The following HPSE2 variants were observed in gnomAD, a reference collection of about 807,000 sequenced individuals.
HPSE2 encodes inactive heparanase-2.
Under a neutral mutation model 60.5 loss-of-function variants are expected in HPSE2, and 38 were observed. The ratio of observed to expected loss-of-function variants is 0.63; its 90% CI spans 0.48 to 0.82. HPSE2 has a LOEUF of 0.82. HPSE2 is among the 40% of genes least tolerant of loss of function. The pLI is 0.00. For missense variants in HPSE2, 713 were observed against 740.4 expected (o/e 0.96, Z 0.43); for synonymous variants, 295 against 293.2 (o/e 1.01, Z -0.06).
chr10:99,180,697 C>A (rs1478088595), intron 2 of HPSE2, among the ~76,000 whole-genome samples: 1 of 151,734 alleles, frequency 6.6e-6, no homozygotes, highest in Non-Finnish European at 1.5e-5. Flanking sequence ...CCAGCCTGGG[C>A]AACATGGTGA....
chr10:98,978,440 T>C (rs999012205), intron 3 of HPSE2, among the ~76,000 whole-genome samples: 2 of 152,140 alleles, frequency 1.3e-5, no homozygotes, highest in East Asian at 3.8e-4. Flanking sequence ...ATAATATTAA[T>C]TACAAGTATT....
At chr10:98,543,514 A>G (rs961347079) in intron 9 of HPSE2, among the ~76,000 whole-genome samples, 30 of 152,360 alleles carry the variant, frequency 2.0e-4, no homozygotes, top group African/African-American at 6.7e-4. Context: ...AAATGCTCCA[A>G]TTAAAAGACA....
At chr10:99,230,455 T>C (rs891892063) in intron 2 of HPSE2, among the ~76,000 whole-genome samples, 1 of 152,082 alleles carries the variant, frequency 6.6e-6, no homozygotes, top group African/African-American at 2.4e-5. Flanking sequence ...AGAAAAGGAT[T>C]CCATATGGAA....
intron 7 of HPSE2, among the ~76,000 whole-genome samples, chr10:98,627,668 G>T (rs1437162861): frequency 6.6e-6 from 1 of 152,190 alleles, no homozygotes; most frequent in East Asian, 1.9e-4. Context: ...ATCTGCCTTA[G>T]AGGATTTTAT....
At position 98,968,418 on chromosome 10, in the gene HPSE2, T is replaced by C. The variant is rs183489714; in HGVS notation, c.610+175820A>G. ...CTGCTGGTGGGAGTGTAAACTAGTA[T>C]AACCACTACAGAAAACAGTATGGAG... On this transcript the variant is annotated intron_variant, in intron 3 of 11. Transcript: ENST00000370552. Among the ~76,000 whole-genome samples the C allele has an allele frequency of 1.1e-3, 162 of 152,270 alleles. 3 individuals carry two copies. Among genetic ancestry groups the C allele is most frequent in the African/African-American group, 3.6e-3 (150 of 41,558 alleles).
chr10:99,301,901 C>A, the HPSE2 span, among the ~76,000 whole-genome samples: 1 of 151,590 alleles, frequency 6.6e-6, no homozygotes, highest in Non-Finnish European at 1.5e-5. Context: ...TAACTCTTAA[C>A]GTATGTAAAA....
At chr10:99,108,987 T>C (rs1027867827) in intron 3 of HPSE2, among the ~76,000 whole-genome samples, 25 of 152,170 alleles carry the variant, frequency 1.6e-4, no homozygotes, top group Admixed American at 4.6e-4. Context: ...TTATCCTCCA[T>C]GTGTTGTCAT....
At chr10:98,512,645 G>A (rs1942451560) in intron 9 of HPSE2, among the ~76,000 whole-genome samples, 1 of 151,990 alleles carries the variant, frequency 6.6e-6, no homozygotes, top group Non-Finnish European at 1.5e-5. Flanking sequence ...AGGAAGATCA[G>A]TGCTTTTTAA....
intron 9 of HPSE2, among the ~76,000 whole-genome samples, chr10:98,546,603 G>A (rs1382222294): frequency 3.3e-5 from 5 of 151,468 alleles, no homozygotes; most frequent in African/African-American, 9.7e-5. Flanking sequence ...CTAGCCATAT[G>A]TAGAAAGCTG....
intron 9 of HPSE2, among the ~76,000 whole-genome samples, chr10:98,593,622 G>A (rs892283323): frequency 1.3e-5 from 2 of 152,202 alleles, no homozygotes; most frequent in Non-Finnish European, 2.9e-5. Context: ...AGTAATGACA[G>A]TGGATGGCTT....
the HPSE2 span, among the ~76,000 whole-genome samples, chr10:99,305,979 G>GCACGCACACACACACACACACACACACA: frequency 1.7e-3 from 138 of 80,576 alleles, 3 homozygotes; most frequent in African/African-American, 6.8e-3. Context: ...GCGCGCGCGC[G>GCACGCACACACACACACACACACACACA]CACACACACA....
At chr10:99,173,442 A>C (rs1847395358) in intron 2 of HPSE2, among the ~76,000 whole-genome samples, 1 of 152,180 alleles carries the variant, frequency 6.6e-6, no homozygotes, top group Non-Finnish European at 1.5e-5. Flanking sequence ...CTTAAGACCC[A>C]AGGTAGACAG....
intron 3 of HPSE2, among the ~76,000 whole-genome samples, chr10:98,954,223 C>T (rs577227404): frequency 6.6e-6 from 1 of 152,156 alleles, no homozygotes; most frequent in East Asian, 1.9e-4. Flanking sequence ...CAGGAGATCA[C>T]TTGAACCCGG....
At chr10:99,033,064 T>C (rs1957533128) in intron 3 of HPSE2, among the ~76,000 whole-genome samples, 2 of 152,178 alleles carry the variant, frequency 1.3e-5, no homozygotes, top group Admixed American at 1.3e-4. Flanking sequence ...ACATGGATAT[T>C]GGGAATGGAG....
chr10:99,187,334 T>C (rs1269232218), intron 2 of HPSE2, among the ~76,000 whole-genome samples: 1 of 152,204 alleles, frequency 6.6e-6, no homozygotes, highest in African/African-American at 2.4e-5. Context: ...GAAGACTGGT[T>C]ATTTTAAAAT....
At chr10:99,105,865 T>C (rs757925567) in intron 3 of HPSE2, among the ~76,000 whole-genome samples, 38 of 152,268 alleles carry the variant, frequency 2.5e-4, no homozygotes, top group Non-Finnish European at 4.1e-4. Flanking sequence ...CCAGTACTAC[T>C]TGTTGAAAAG....
At chr10:98,970,035 C>G (rs1163984214) in intron 3 of HPSE2, among the ~76,000 whole-genome samples, 1 of 151,806 alleles carries the variant, frequency 6.6e-6, no homozygotes, top group Non-Finnish European at 1.5e-5. Flanking sequence ...GATCTCAGCT[C>G]ACTGCAACCT....
chr10:99,157,999 A>G (rs536407236), intron 2 of HPSE2, among the ~76,000 whole-genome samples: 5 of 144,936 alleles, frequency 3.4e-5, no homozygotes, highest in East Asian at 2.1e-4. Context: ...AACACATGAA[A>G]AAATGCTCAT....
chr10:99,184,522 CAAAAAAAAAAAAAAAAAA>C (rs200059066), intron 2 of HPSE2, among the ~76,000 whole-genome samples: 4 of 60,786 alleles, frequency 6.6e-5, no homozygotes, highest in African/African-American at 1.2e-4. Flanking sequence ...GAGACTGTCT[CAAAAAAAAAAAAAAAAAA>C]AAAAAAAAAA....
Sources: allele counts gnomAD v4.1 joint callset (sites outside exome capture counted in the v4.1 genomes callset), GRCh38; gene constraint gnomAD v4.1.1; transcripts MANE v1.5; gene names NCBI Gene and HGNC (gene_info 2026-07-23, HGNC 2026-07-21).